Variants in DPP9 observed in about 807,000 individuals in gnomAD.
DPP9 encodes dipeptidyl peptidase 9, also known as dipeptidyl peptidase IV-related protein-2.
A neutral mutation model predicts 110.7 loss-of-function variants in DPP9; 50 were observed. The ratio of observed to expected loss-of-function variants is 0.45; its 90% confidence interval spans 0.36 to 0.57. The LOEUF is 0.57. Ranked by LOEUF, DPP9 falls within the 20% of genes least tolerant of loss-of-function variation. DPP9 has a pLI of 0.00. For missense variants in DPP9, 1,022 were observed against 1,217.9 expected (o/e 0.84, Z 2.39); for synonymous variants, 561 against 514.4 (o/e 1.09, Z -1.23).
chr19:4,677,609 T>C (rs1040237567), intron 21 of DPP9, among the ~76,000 whole-genome samples: 11 of 152,200 alleles, frequency 7.2e-5, no homozygotes, highest in Admixed American at 1.3e-4. Context: ...CCTAGACCTC[T>C]GCAAGGACTT....
chr19:4,682,835 C>T lies in DPP9; in HGVS notation c.2335G>A (p.Ala779Thr). Reference sequence around the variant, plus strand: ...ACGGTGACCGGGGCACCCGCGATGGCCACCTGAGGGACACAGCAGACAGAT... The same window carrying T: ...ACGGTGACCGGGGCACCCGCGATGGTCACCTGAGGGACACAGCAGACAGAT... ...LIHKPQVFKV[A>T]IAGAPVTVWM... Residue 779 changes from alanine to threonine, a missense_variant, in exon 20 of 22, where the codon GCC (alanine) becomes ACC (threonine). By Grantham distance (58) the Ala-to-Thr change is moderately conservative. Transcript: ENST00000262960. The surrounding 1 kb of genome is among the most constrained non-coding windows in gnomAD (Gnocchi z 7.1). The T allele has an allele frequency of 6.3e-7, 1 of 1,580,986 alleles. No individual in the cohort carries two copies. Among genetic ancestry groups the T allele is most frequent in the Non-Finnish European group, 8.6e-7 (1 of 1,164,364 alleles).
chr19:4,688,862 T>C lies in DPP9; in HGVS notation c.1780A>G (p.Ser594Gly). The change falls in exon 16 of 22, where the codon AGC becomes GGC. Residue 594 changes from serine (S) to glycine (G), a missense_variant. Coordinates refer to ENST00000262960, the MANE Select transcript of DPP9 (RefSeq NM_139159.5). ...NFDMFVSHYS[S>G]VSTPPCVHVY... ...TGCACGCAGGGCGGCGTGCTCACGC[T>C]GCTGTAGTGGCTGACGAACATGTCG... The C allele has an allele frequency of 6.6e-7, 1 of 1,522,626 alleles. No individual in the cohort carries two copies. The highest frequency in any genetic ancestry group is 8.7e-7 in the Non-Finnish European group (1 of 1,148,616). The allele number at this position is 1,522,626 out of a possible 1,614,324, so 94.3% of individuals were successfully genotyped here. A position where few individuals can be genotyped will look rare whatever the true frequency, so the allele number is the denominator to read the frequency against.
At chr19:4,712,943 G>T (rs1008712747) in intron 4 of DPP9, among the ~76,000 whole-genome samples, 24 of 152,230 alleles carry the variant, frequency 1.6e-4, no homozygotes, top group Admixed American at 1.0e-3. Context: ...GCACACGCGG[G>T]CCTGGGCTCA....
Position 4,695,288 on chromosome 19 carries a change from C to T in DPP9, c.1353+90G>A. On this transcript the variant is annotated intron_variant, in intron 12 of 21. Transcript: ENST00000262960. This position sits in a 1 kb window ranked among gnomAD's most constrained non-coding sequence, Gnocchi z 4.7. ...CCACACAAGGGCAAACACCACCTGC[C>T]ATTGGCGCTCAGCCTTCTAGGACGT... 7.4e-7 allele frequency: 1 copy of T among 1,356,914 alleles called. No homozygotes were observed. The highest frequency in any genetic ancestry group is 2.8e-5 in the Admixed American group (1 of 36,218). 84.1% of individuals were successfully genotyped at this position (1,356,914 alleles called of 1,614,324 possible).
intron 21 of DPP9, chr19:4,679,225 C>T (rs963850569): frequency 6.5e-6 from 1 of 153,026 alleles, no homozygotes; most frequent in African/African-American, 2.4e-5. Flanking sequence ...AAGCCCCGTC[C>T]CTCTGCAGAA....
chr19:4,709,071 C>A (rs1410935026), intron 4 of DPP9, among the ~76,000 whole-genome samples: 2 of 152,080 alleles, frequency 1.3e-5, no homozygotes, highest in East Asian at 3.8e-4. Flanking sequence ...GAGCACAACA[C>A]CACACCCGGC....
intron 20 of DPP9, among the ~76,000 whole-genome samples, chr19:4,680,360 A>G (rs1001561345): frequency 2.0e-5 from 3 of 151,802 alleles, no homozygotes; most frequent in African/African-American, 7.3e-5. Flanking sequence ...AGCTATGATC[A>G]TACCACTGCA....
rs999285490 is a variant in DPP9, at chr19:4,684,179, A to G, written c.2178+484T>C. 4 of 274,066 alleles carry G rather than the reference A, an allele frequency of 1.5e-5. No individual in the cohort carries two copies. The highest frequency in any genetic ancestry group is 2.2e-5 in the African/African-American group (1 of 45,572). The allele number at this position is 274,066 out of a possible 1,614,324, so 17.0% of individuals were successfully genotyped here. A position where few individuals can be genotyped will look rare whatever the true frequency, so the allele number is the denominator to read the frequency against. ...TAAAAGGGCCTGATGGAGGGAGGCCACGGCTTTTCCGCTCCTTGCAACCCC... is the reference window on the plus strand; with the variant it reads ...TAAAAGGGCCTGATGGAGGGAGGCCGCGGCTTTTCCGCTCCTTGCAACCCC... On this transcript the variant is annotated intron_variant, in intron 18 of 21. Transcript: ENST00000262960. This position sits in a 1 kb window ranked among gnomAD's most constrained non-coding sequence, Gnocchi z 4.8.
At chr19:4,683,827 C>G in intron 18 of DPP9, 198 bp from the exon 19 acceptor site, 2 of 1,533,756 alleles carry the variant, frequency 1.3e-6, no homozygotes, top group African/African-American at 2.7e-5. Flanking sequence ...CCATCTTGCT[C>G]TGCCACCTCC....
At position 4,689,994 on chromosome 19, in the gene DPP9, T is replaced by C. The variant is rs1222437662; in HGVS notation, c.1597-272A>G. On this transcript the variant is annotated intron_variant, in intron 14 of 21. Coordinates refer to ENST00000262960, the MANE Select transcript of DPP9 (RefSeq NM_139159.5). This position sits in a 1 kb window ranked among gnomAD's most constrained non-coding sequence, Gnocchi z 7.0. ...ATTCCACCCCCAGACAGCTCTTTCC[T>C]AGCTTGAATTGGGAGGGCCCACCAG... 6.6e-6 allele frequency among the ~76,000 whole-genome samples: 1 copy of C among 152,114 alleles called. No homozygotes were observed. The highest frequency in any genetic ancestry group is 2.4e-5 in the African/African-American group (1 of 41,426).
intron 4 of DPP9, among the ~76,000 whole-genome samples, chr19:4,708,053 C>T (rs934591228): frequency 3.3e-5 from 5 of 152,190 alleles, no homozygotes; most frequent in Non-Finnish European, 7.3e-5. Flanking sequence ...TCCAGTTCCT[C>T]CTGCTTGCTT....
At position 4,719,949 on chromosome 19, in the gene DPP9, C is replaced by T; in HGVS notation, c.-35-8G>A. 6.4e-7 allele frequency: 1 copy of T among 1,550,954 alleles called. No homozygotes were observed. Among genetic ancestry groups the T allele is most frequent in the Non-Finnish European group, 8.7e-7 (1 of 1,146,422 alleles). On this transcript the variant is annotated splice_region_variant and splice_polypyrimidine_tract_variant and intron_variant, in intron 2 of 21. Transcript: ENST00000262960. ...TCAGGAGGGCAGGGGTGCCTGCGGG[C>T]AAGTGGGAGGAGAGATCAAAGGGCT...
Position 4,704,791 on chromosome 19 carries a change from A to G in DPP9, c.427-487T>C, listed in dbSNP as rs2092491687. Among the ~76,000 whole-genome samples the G allele has an allele frequency of 1.3e-5, 2 of 152,126 alleles. No homozygotes were observed. The highest frequency in any genetic ancestry group is 4.1e-4 in the South Asian group (2 of 4,822). ...CGAGGTGGGCAGATCACGAGGTCAGAAATTCGAGACCAGCCTGGCCAATAT... is the reference window on the plus strand; with the variant it reads ...CGAGGTGGGCAGATCACGAGGTCAGGAATTCGAGACCAGCCTGGCCAATAT... On this transcript the variant is annotated intron_variant, in intron 5 of 21. Coordinates refer to ENST00000262960, the MANE Select transcript of DPP9 (RefSeq NM_139159.5). This position sits in a 1 kb window ranked among gnomAD's most constrained non-coding sequence, Gnocchi z 6.0.
intron 11 of DPP9, 50 bp downstream of exon 11, chr19:4,697,501 G>C (rs1441491702): frequency 6.5e-7 from 1 of 1,535,230 alleles, no homozygotes; most frequent in Non-Finnish European, 8.9e-7. Flanking sequence ...GCTGCCCAGG[G>C]CCCAGGGCCC....
intron 21 of DPP9, among the ~76,000 whole-genome samples, chr19:4,677,357 A>AC (rs1212047801): frequency 1.3e-5 from 2 of 151,986 alleles, no homozygotes; most frequent in African/African-American, 2.4e-5. Flanking sequence ...CATGAAAATA[A>AC]CCCTACGTTC....
chr19:4,695,160 A>C lies in DPP9; in HGVS notation c.1353+218T>G, dbSNP rs1171431809. ...AGCAACCCTGTCTCTAATTAAAGAAAAAAATAGATGAGGGGAGAGGCTCCA... is the reference window on the plus strand; with the variant it reads ...AGCAACCCTGTCTCTAATTAAAGAACAAAATAGATGAGGGGAGAGGCTCCA... On this transcript the variant is annotated intron_variant, in intron 12 of 21. Coordinates refer to ENST00000262960, the MANE Select transcript of DPP9 (RefSeq NM_139159.5). The surrounding 1 kb of genome is among the most constrained non-coding windows in gnomAD (Gnocchi z 4.7). The C allele has an allele frequency of 1.7e-6, 1 of 582,276 alleles. No homozygotes were observed. Among genetic ancestry groups the C allele is most frequent in the East Asian group, 3.0e-5 (1 of 33,322 alleles). The allele number at this position is 582,276 out of a possible 1,614,324, so 36.1% of individuals were successfully genotyped here.
Position 4,689,321 on chromosome 19 carries a change from G to A in DPP9, c.1749+249C>T, listed in dbSNP as rs774356112. Reference sequence around the variant, plus strand: ...CACATCCCACCGCACACAGAGCGGCGGAGCCCCAGCTCAGCGGACGGGCAC... The same window carrying A: ...CACATCCCACCGCACACAGAGCGGCAGAGCCCCAGCTCAGCGGACGGGCAC... On this transcript the variant is annotated intron_variant, in intron 15 of 21. Coordinates refer to ENST00000262960, the MANE Select transcript of DPP9 (RefSeq NM_139159.5). This position sits in a 1 kb window ranked among gnomAD's most constrained non-coding sequence, Gnocchi z 7.0. Among the ~76,000 whole-genome samples, 48 of 152,336 alleles carry A rather than the reference G, an allele frequency of 3.2e-4. No individual in the cohort carries two copies. Among genetic ancestry groups the A allele is most frequent in the Non-Finnish European group, 4.7e-4 (32 of 68,024 alleles).
chr19:4,683,683 C>T (rs768825540), intron 18 of DPP9, 54 bp from the exon 19 acceptor site: 16 of 1,612,818 alleles, frequency 9.9e-6, no homozygotes, highest in Admixed American at 1.7e-5. Context: ...ATGTCCCTCC[C>T]CTGCAGTGAC....
At chr19:4,686,223 G>A (rs1243195731) in intron 16 of DPP9, among the ~76,000 whole-genome samples, 1 of 151,840 alleles carries the variant, frequency 6.6e-6, no homozygotes, top group Non-Finnish European at 1.5e-5. Flanking sequence ...TGAGTAGCTA[G>A]GATTATAGGT....
Sources: allele counts gnomAD v4.1 joint callset (sites outside exome capture counted in the v4.1 genomes callset), GRCh38; gene constraint gnomAD v4.1.1; non-coding constraint Gnocchi (gnomAD v3.1); transcripts MANE v1.5; gene names NCBI Gene and HGNC (gene_info 2026-07-23, HGNC 2026-07-21).